LGSN: variants seen among roughly 807,000 people sequenced by gnomAD.
LGSN encodes the protein lengsin.
A neutral mutation model predicts 19.5 loss-of-function variants in LGSN; 21 were observed. That is an observed-to-expected ratio of 1.07 (90% CI 0.76 to 1.55). LGSN has a LOEUF of 1.55. LGSN is among the 40% of genes most tolerant of loss of function. The pLI is 0.00. For synonymous variants in LGSN, 257 were observed against 215.6 expected, an observed-to-expected ratio of 1.19 and a Z score of -1.68; for missense variants, 673 against 608.5, an observed-to-expected ratio of 1.11 and a Z score of -1.12.
At chr6:63,496,269 A>T in the LGSN span, among the ~76,000 whole-genome samples, 1 of 152,198 alleles carries the variant, frequency 6.6e-6, no homozygotes, top group South Asian at 2.1e-4. Flanking sequence ...ATTGTTCTGT[A>T]GCATTTTCCA....
At position 63,277,061 on chromosome 6, in the gene LGSN, T is replaced by C. The variant is rs1177155783; in HGVS notation, c.*2960A>G. On this transcript the variant is annotated 3_prime_UTR_variant, in exon 4 of 4. Coordinates refer to ENST00000370657, the MANE Select transcript of LGSN (RefSeq NM_016571.3). ...CTGATTTGTAATCTATGGCTGAATATTTTCTTTGACTCACGACTGTACACT... is the reference window on the plus strand; with the variant it reads ...CTGATTTGTAATCTATGGCTGAATACTTTCTTTGACTCACGACTGTACACT... 7.2e-5 allele frequency: 11 copies of C among 152,340 alleles called. No individual in the cohort carries two copies. Among genetic ancestry groups the C allele is most frequent in the Admixed American group, 7.2e-4 (11 of 15,300 alleles). 9.4% of individuals were successfully genotyped at this position (152,340 alleles called of 1,614,324 possible).
the LGSN span, among the ~76,000 whole-genome samples, chr6:63,502,355 C>T: frequency 6.6e-6 from 1 of 152,166 alleles, no homozygotes; most frequent in Non-Finnish European, 1.5e-5. Context: ...AACTGCTTAC[C>T]TGCTAGGGCA....
the LGSN span, among the ~76,000 whole-genome samples, chr6:63,410,497 C>G: frequency 6.6e-6 from 1 of 152,022 alleles, no homozygotes; most frequent in Non-Finnish European, 1.5e-5. Context: ...AAATCTTATT[C>G]AGATCAATAT....
At chr6:63,506,225 G>GT in the LGSN span, among the ~76,000 whole-genome samples, 5 of 121,830 alleles carry the variant, frequency 4.1e-5, no homozygotes, top group Non-Finnish European at 8.4e-5. Flanking sequence ...AAGGAGATAA[G>GT]TTCTTCTTGT....
the LGSN span, among the ~76,000 whole-genome samples, chr6:63,563,719 G>T: frequency 2.0e-5 from 3 of 152,180 alleles, no homozygotes; most frequent in African/African-American, 7.2e-5. Flanking sequence ...AGGAGGGAAG[G>T]TTGACAGCCA....
intron 2 of LGSN, among the ~76,000 whole-genome samples, chr6:63,286,830 T>C (rs1767558791): frequency 6.6e-6 from 1 of 152,218 alleles, no homozygotes. Flanking sequence ...GACTTTCTCA[T>C]CAATAACATA....
the LGSN span, among the ~76,000 whole-genome samples, chr6:63,457,152 T>G: frequency 6.6e-6 from 1 of 152,240 alleles, no homozygotes; most frequent in Non-Finnish European, 1.5e-5. Flanking sequence ...AATATTGGTT[T>G]GACTGATTTT....
the LGSN span, among the ~76,000 whole-genome samples, chr6:63,407,349 T>G: frequency 2.6e-5 from 4 of 152,072 alleles, no homozygotes; most frequent in African/African-American, 9.7e-5. Flanking sequence ...GTGGGCTTCA[T>G]CCCTGGGATG....
chr6:63,347,742 T>C, the LGSN span, among the ~76,000 whole-genome samples: 5 of 152,336 alleles, frequency 3.3e-5, no homozygotes, highest in African/African-American at 9.6e-5. Flanking sequence ...TGTTCCATTC[T>C]TATACTCAAT....
chr6:63,472,187 C>A, the LGSN span, among the ~76,000 whole-genome samples: 2 of 152,138 alleles, frequency 1.3e-5, no homozygotes, highest in East Asian at 3.9e-4. Flanking sequence ...TATTTCCCTG[C>A]CCAAAGCATC....
the LGSN span, among the ~76,000 whole-genome samples, chr6:63,533,536 T>C: frequency 2.0e-5 from 3 of 152,222 alleles, no homozygotes; most frequent in Admixed American, 6.5e-5. Context: ...CAAGAAATAA[T>C]GCTTACCAAA....
intron 2 of LGSN, among the ~76,000 whole-genome samples, chr6:63,285,976 C>G (rs566475458): frequency 6.6e-6 from 1 of 152,038 alleles, no homozygotes; most frequent in South Asian, 2.1e-4. Flanking sequence ...TCAGTTAGGA[C>G]GAGGTCAAAA....
At chr6:63,496,501 G>C in the LGSN span, among the ~76,000 whole-genome samples, 1 of 152,190 alleles carries the variant, frequency 6.6e-6, no homozygotes, top group Non-Finnish European at 1.5e-5. Context: ...AATAACTTAA[G>C]TGAGATAGCA....
the LGSN span, among the ~76,000 whole-genome samples, chr6:63,372,178 G>T: frequency 2.6e-5 from 4 of 152,092 alleles, no homozygotes; most frequent in Non-Finnish European, 5.9e-5. Context: ...GACTCCTCTG[G>T]GGCTACTGTG....
chr6:63,489,755 G>T, the LGSN span, among the ~76,000 whole-genome samples: 9 of 152,240 alleles, frequency 5.9e-5, no homozygotes, highest in Admixed American at 5.9e-4. Flanking sequence ...CACCCAGGCT[G>T]GAGTGCAATG....
chr6:63,424,279 T>C, the LGSN span, among the ~76,000 whole-genome samples: 2 of 152,000 alleles, frequency 1.3e-5, no homozygotes, highest in Non-Finnish European at 2.9e-5. Context: ...TCATCCAATA[T>C]GAAAAGGATC....
chr6:63,563,741 G>T, the LGSN span, among the ~76,000 whole-genome samples: 1 of 152,196 alleles, frequency 6.6e-6, no homozygotes, highest in Non-Finnish European at 1.5e-5. Flanking sequence ...AGCTATGGAT[G>T]TAGGTGAAAA....
chr6:63,434,479 C>T, the LGSN span, among the ~76,000 whole-genome samples: 1 of 150,028 alleles, frequency 6.7e-6, no homozygotes, highest in African/African-American at 2.5e-5. Flanking sequence ...GACCTTTGGG[C>T]CAGGTGCCGT....
the LGSN span, among the ~76,000 whole-genome samples, chr6:63,445,014 T>C: frequency 3.9e-5 from 6 of 152,292 alleles, no homozygotes; most frequent in African/African-American, 1.4e-4. Context: ...CAGACACTCT[T>C]GTATAAGAAT....
Sources: gnomAD v4.1 joint callset for allele counts (sites outside exome capture counted in the v4.1 genomes callset) on GRCh38, gnomAD v4.1.1 for gene constraint, MANE v1.5 for transcripts, NCBI Gene and HGNC (gene_info 2026-07-23, HGNC 2026-07-21) for gene names.